Variants in DLG2 observed in about 807,000 individuals in gnomAD.
DLG2 encodes the protein disks large homolog 2.
A neutral mutation model predicts 132.5 loss-of-function variants in DLG2; 45 were observed. The ratio of observed to expected loss-of-function variants is 0.34; its 90% CI spans 0.27 to 0.44. The LOEUF is 0.44. Ranked by LOEUF, DLG2 falls within the 20% of genes least tolerant of loss-of-function variation. DLG2 has a pLI of 1.00. For synonymous variants in DLG2, 424 were observed against 419.6 expected (o/e 1.01, Z -0.13); for missense variants, 1,045 against 1,196.9 (o/e 0.87, Z 1.87).
intron 6 of DLG2, among the ~76,000 whole-genome samples, chr11:84,796,366 G>A (rs2074605651): frequency 6.6e-6 from 1 of 152,062 alleles, no homozygotes; most frequent in Admixed American, 6.5e-5. Context: ...TTGAAAAGTT[G>A]CAGCTATTAT....
Position 83,955,590 on chromosome 11 carries a change from G to T in DLG2, c.1340+7295C>A, listed in dbSNP as rs147034819. Among the ~76,000 whole-genome samples the T allele has an allele frequency of 4.6e-4, 70 of 152,250 alleles. 2 individuals carry two copies. The East Asian group carries it at 9.1e-3, about 20-fold the overall frequency. ...GATAATGCCTTTTTACCAATCAAAT[G>T]TTGCCTTTTCCAAAACTACCTATGG... is the stretch of plus-strand genomic sequence containing the variant. On this transcript the variant is annotated intron_variant, in intron 14 of 27. Coordinates refer to ENST00000376104, the MANE Select transcript of DLG2 (RefSeq NM_001142699.3).
At chr11:84,756,085 G>A (rs1047202450) in intron 6 of DLG2, among the ~76,000 whole-genome samples, 2 of 152,116 alleles carry the variant, frequency 1.3e-5, no homozygotes, top group African/African-American at 2.4e-5. Context: ...CTGGGGATAT[G>A]CGAGACTATT....
rs534024319 is a variant in DLG2 at position 85,045,035 on chromosome 11, T to C, written c.357+66626A>G. 9.9e-5 allele frequency among the ~76,000 whole-genome samples: 15 copies of C among 152,160 alleles called. No homozygotes were observed. The East Asian group carries it at 2.7e-3, about 28-fold the overall frequency. Reference sequence around the variant, plus strand: ...AAATAGGAAAGTAGGATGAATTATTTGACTGTCATTTTTGGCAAAATATAA... The same window carrying C: ...AAATAGGAAAGTAGGATGAATTATTCGACTGTCATTTTTGGCAAAATATAA... On this transcript the variant is annotated intron_variant, in intron 6 of 27. Coordinates refer to ENST00000376104, the MANE Select transcript of DLG2 (RefSeq NM_001142699.3).
rs770308226 is a variant in DLG2 at position 85,341,633 on chromosome 11, T to C, written c.41-56268A>G. ...ACTAGTGTTTCTTGATTTTAAAACA[T>C]ACTTGTTTTAGGACAAAACAATCCT... On this transcript the variant is annotated intron_variant, in intron 3 of 27. Transcript: ENST00000376104. Among the ~76,000 whole-genome samples the C allele has an allele frequency of 7.2e-5, 11 of 152,202 alleles. No individual in the cohort carries two copies. The South Asian group carries it at 2.3e-3, about 31-fold the overall frequency.
At chr11:84,515,966 TAAAC>T (rs2099271460) in intron 7 of DLG2, among the ~76,000 whole-genome samples, 1 of 123,626 alleles carries the variant, frequency 8.1e-6, no homozygotes, top group Non-Finnish European at 1.7e-5. Flanking sequence ...ACATGAAAAT[TAAAC>T]AAACGTGTTC....
At chr11:84,733,423 G>C (rs1038859630) in intron 6 of DLG2, among the ~76,000 whole-genome samples, 1 of 152,122 alleles carries the variant, frequency 6.6e-6, no homozygotes, top group Non-Finnish European at 1.5e-5. Context: ...GTGTCTGTTG[G>C]CTGCATAAAT....
intron 3 of DLG2, among the ~76,000 whole-genome samples, chr11:85,323,298 T>C (rs2081209111): frequency 6.6e-6 from 1 of 152,218 alleles, no homozygotes; most frequent in Non-Finnish European, 1.5e-5. Context: ...GCAGAAAAAG[T>C]TAACACCATA....
At chr11:84,767,171 TA>T (rs2068542561) in intron 6 of DLG2, among the ~76,000 whole-genome samples, 1 of 152,092 alleles carries the variant, frequency 6.6e-6, no homozygotes, top group Non-Finnish European at 1.5e-5. Flanking sequence ...CAAAGTGTAA[TA>T]ATACAGTAGA....
chr11:84,343,617 G>A (rs539998711), intron 7 of DLG2, among the ~76,000 whole-genome samples: 67 of 152,246 alleles, frequency 4.4e-4, no homozygotes, highest in African/African-American at 1.5e-3. Context: ...GGATGGGCAG[G>A]AAATGCTTTT....
intron 6 of DLG2, among the ~76,000 whole-genome samples, chr11:84,641,516 G>T (rs2099664962): frequency 6.6e-6 from 1 of 152,088 alleles, no homozygotes; most frequent in Non-Finnish European, 1.5e-5. Context: ...GAGAAAAACT[G>T]CATGTTTCCG....
At chr11:83,936,297 A>G (rs944728231) in intron 14 of DLG2, among the ~76,000 whole-genome samples, 1 of 152,132 alleles carries the variant, frequency 6.6e-6, no homozygotes, top group Non-Finnish European at 1.5e-5. Context: ...AAGGTAATTG[A>G]TCCTCTTTAA....
At chr11:85,192,627 A>G (rs1299614399) in intron 4 of DLG2, among the ~76,000 whole-genome samples, 3 of 152,218 alleles carry the variant, frequency 2.0e-5, no homozygotes, top group Admixed American at 2.0e-4. Flanking sequence ...ATCTTATTTT[A>G]TCTGGAATAA....
Position 84,208,337 on chromosome 11 carries a change from T to C in DLG2, c.573+42901A>G, listed in dbSNP as rs1001138765. Among the ~76,000 whole-genome samples, 4 of 144,712 alleles carry C rather than the reference T, an allele frequency of 2.8e-5. No homozygotes were observed. In the East Asian group the frequency reaches 6.1e-4, roughly 22 times the overall value. 94.9% of individuals were successfully genotyped at this position (144,712 alleles called of 152,430 possible). ...CATGGTCACTCATATTGGCTCAGAA[T>C]AAACTTTTTTTTTTTTTTTTTTTGG... On this transcript the variant is annotated intron_variant, in intron 8 of 27. Transcript: ENST00000376104.
At chr11:83,931,755 C>T (rs573422328) in intron 14 of DLG2, among the ~76,000 whole-genome samples, 2 of 152,220 alleles carry the variant, frequency 1.3e-5, no homozygotes, top group South Asian at 4.2e-4. Context: ...TCGTTTGATT[C>T]ACATATTTAA....
intron 3 of DLG2, among the ~76,000 whole-genome samples, chr11:85,324,092 C>T (rs1017495064): frequency 1.3e-5 from 2 of 152,090 alleles, no homozygotes; most frequent in South Asian, 2.1e-4. Context: ...TAAGTGACAT[C>T]GTCCTTGCTT....
chr11:84,649,748 T>C (rs1189739230), intron 6 of DLG2, among the ~76,000 whole-genome samples: 3 of 152,318 alleles, frequency 2.0e-5, no homozygotes, highest in Non-Finnish European at 2.9e-5. Context: ...TGTGCTTTGA[T>C]TCCTCTGAGA....
At chr11:84,317,124 G>T (rs1477545716) in intron 7 of DLG2, 2 of 1,612,380 alleles carry the variant, frequency 1.2e-6, no homozygotes, top group Non-Finnish European at 1.7e-6. Context: ...CAGCTGTGTT[G>T]CTTGGTGAGG....
intron 18 of DLG2, among the ~76,000 whole-genome samples, chr11:83,685,692 T>A (rs2079616680): frequency 6.6e-6 from 1 of 152,116 alleles, no homozygotes; most frequent in African/African-American, 2.4e-5. Flanking sequence ...GGCTACCACA[T>A]GTAGATCTCC....
chr11:83,669,602 C>T (rs967504338), intron 18 of DLG2, among the ~76,000 whole-genome samples: 2 of 152,026 alleles, frequency 1.3e-5, no homozygotes, highest in Non-Finnish European at 2.9e-5. Context: ...AATATAATGG[C>T]CTATGATTTT....
Sources: gnomAD v4.1 joint callset for allele counts (sites outside exome capture counted in the v4.1 genomes callset) on GRCh38, gnomAD v4.1.1 for gene constraint, MANE v1.5 for transcripts, NCBI Gene and HGNC (gene_info 2026-07-23, HGNC 2026-07-21) for gene names.